The following SBF2 variants were observed in gnomAD, a reference collection of about 807,000 sequenced individuals.
SBF2 encodes myotubularin-related protein 13.
Under a neutral mutation model 225.2 loss-of-function variants are expected in SBF2, and 112 were observed. The ratio of observed to expected loss-of-function variants is 0.50; its 90% CI spans 0.43 to 0.58. The LOEUF is 0.58. Among genes scored for constraint, SBF2 ranks in the 20% least tolerant of loss-of-function variants. SBF2 has a pLI of 0.00. For synonymous variants in SBF2, 763 were observed against 773.3 expected (o/e 0.99, Z 0.22); for missense variants, 1,996 against 2,206.2 (o/e 0.90, Z 1.91).
chr11:10,020,149 CAA>C (rs1414523641), intron 6 of SBF2, among the ~76,000 whole-genome samples: 1 of 152,002 alleles, frequency 6.6e-6, no homozygotes, highest in East Asian at 1.9e-4. Flanking sequence ...GGCAGTTTCC[CAA>C]GATAGAAATA....
intron 6 of SBF2, among the ~76,000 whole-genome samples, chr11:10,009,195 C>A (rs1008724201): frequency 6.6e-6 from 1 of 152,182 alleles, no homozygotes; most frequent in African/African-American, 2.4e-5. Flanking sequence ...GGATATGTTC[C>A]TATTGTCATA....
At position 9,845,629 on chromosome 11, in the gene SBF2, C is replaced by G. The variant is rs1213045894; in HGVS notation, c.3046G>C (p.Ala1016Pro). The change falls in exon 24 of 40, where the codon GCT becomes CCT. Residue 1016 changes from alanine to proline, a missense_variant. Ala to Pro is a conservative substitution (Grantham distance 27). Transcript: ENST00000256190. The stretch of plus-strand genomic sequence containing the variant: ...ATTTGTGGGGTAGTTTGTCCAGCAG[C>G]AAAAGCAAAGGTACTGAAAATGGAC... ...PQSIFSTFAF[A>P]AGQTTPQIIL... The G allele has an allele frequency of 6.2e-7, 1 of 1,613,966 alleles. No homozygotes were observed. Among genetic ancestry groups the G allele is most frequent in the Non-Finnish European group, 8.5e-7 (1 of 1,179,842 alleles).
chr11:9,931,090 A>G (rs188680834), intron 16 of SBF2, among the ~76,000 whole-genome samples: 1 of 152,374 alleles, frequency 6.6e-6, no homozygotes, highest in Admixed American at 6.5e-5. Context: ...TAGGTAAACA[A>G]AGAAACCAGG....
intron 1 of SBF2, among the ~76,000 whole-genome samples, chr11:10,241,245 TG>T (rs1476518093): frequency 2.0e-4 from 31 of 151,828 alleles, no homozygotes; most frequent in Non-Finnish European, 3.5e-4. Flanking sequence ...CCCAGCTACT[TG>T]GGGGGCTGAG....
chr11:9,946,896 TAGAC>T (rs1373503261), intron 16 of SBF2, among the ~76,000 whole-genome samples: 1 of 152,236 alleles, frequency 6.6e-6, no homozygotes, highest in Non-Finnish European at 1.5e-5. Flanking sequence ...TCTATACACT[TAGAC>T]AGATATAACT....
rs543867694 is a variant in SBF2 at position 10,000,480 on chromosome 11, G to A, written c.861+434C>T. Among the ~76,000 whole-genome samples, 54 of 152,090 alleles carry A rather than the reference G, an allele frequency of 3.6e-4. No individual in the cohort carries two copies. The South Asian group carries it at 4.2e-3, about 12-fold the overall frequency. The stretch of plus-strand genomic sequence containing the variant: ...ATGGCATTAAGAATACAAAAATTTC[G>A]TGGAAGCTCATACCAAACTTCTGTT... On this transcript the variant is annotated intron_variant, in intron 8 of 39. Coordinates refer to ENST00000256190, the MANE Select transcript of SBF2 (RefSeq NM_030962.4).
At chr11:9,782,281 TGATAAGAAAAA>T (rs1185407891) in intron 38 of SBF2, among the ~76,000 whole-genome samples, 2 of 151,012 alleles carry the variant, frequency 1.3e-5, no homozygotes, top group African/African-American at 2.4e-5. Context: ...TCCCAGAAAT[TGATAAGAAAAA>T]GATAAAGTAG....
At chr11:10,245,198 C>T (rs1267995772) in intron 1 of SBF2, among the ~76,000 whole-genome samples, 1 of 142,006 alleles carries the variant, frequency 7.0e-6, no homozygotes, top group Admixed American at 7.0e-5. Flanking sequence ...AAAAGAAATA[C>T]AAATAACCAA....
At chr11:9,839,230 GA>G in intron 26 of SBF2, 1 of 458,090 alleles carries the variant, frequency 2.2e-6, no homozygotes, top group Non-Finnish European at 4.0e-6. Context: ...AGTCATGCTA[GA>G]AAAGAAGCAA....
intron 1 of SBF2, among the ~76,000 whole-genome samples, chr11:10,290,789 T>C (rs1262862460): frequency 6.6e-6 from 1 of 152,102 alleles, no homozygotes; most frequent in Non-Finnish European, 1.5e-5. Context: ...TAAATAAATA[T>C]AGATATAAAT....
At chr11:9,973,019 T>C (rs902866895) in intron 13 of SBF2, among the ~76,000 whole-genome samples, 25 of 152,240 alleles carry the variant, frequency 1.6e-4, no homozygotes, top group African/African-American at 4.8e-4. Flanking sequence ...AAAAGACTTA[T>C]GCCCCAGAAT....
intron 16 of SBF2, among the ~76,000 whole-genome samples, chr11:9,925,972 C>G (rs1864008275): frequency 6.6e-6 from 1 of 152,030 alleles, no homozygotes; most frequent in East Asian, 1.9e-4. Context: ...ATAACGTTTT[C>G]CATGAAATTA....
chr11:10,194,520 C>CT (rs1439406418), intron 1 of SBF2, among the ~76,000 whole-genome samples: 5 of 151,846 alleles, frequency 3.3e-5, no homozygotes, highest in African/African-American at 9.7e-5. Context: ...TCTATAAACA[C>CT]TTTTTTTTGA....
intron 24 of SBF2, among the ~76,000 whole-genome samples, chr11:9,844,304 T>C (rs889144103): frequency 6.6e-6 from 1 of 152,102 alleles, no homozygotes; most frequent in Non-Finnish European, 1.5e-5. Flanking sequence ...AACCTCAAAT[T>C]TTCTATAATC....
chr11:9,812,793 A>G, intron 29 of SBF2, 85 bp from the exon 30 acceptor site: 3 of 1,436,502 alleles, frequency 2.1e-6, no homozygotes, highest in Admixed American at 3.5e-5. Flanking sequence ...GCATAATGAC[A>G]AAGTTATTTG....
intron 16 of SBF2, among the ~76,000 whole-genome samples, chr11:9,925,800 C>A (rs1863988570): frequency 6.6e-6 from 1 of 152,132 alleles, no homozygotes; most frequent in Non-Finnish European, 1.5e-5. Context: ...TATCTCTTTT[C>A]TTCCCACAAT....
chr11:10,180,970 T>C (rs1302290600), intron 2 of SBF2, among the ~76,000 whole-genome samples: 2 of 152,110 alleles, frequency 1.3e-5, no homozygotes, highest in South Asian at 2.1e-4. Flanking sequence ...TTAGAGGTTT[T>C]TCTGGTAAAT....
Position 9,829,394 on chromosome 11 carries a change from C to T in SBF2, c.3755G>A (p.Ser1252Asn). The T allele has an allele frequency of 6.2e-7, 1 of 1,614,108 alleles. No homozygotes were observed. The highest frequency in any genetic ancestry group is 1.6e-4 in the Middle Eastern group (1 of 6,062). The change falls in exon 28 of 40, where the codon AGC becomes AAC. Residue 1252 changes from serine to asparagine, a missense_variant. Ser to Asn is a conservative substitution (Grantham distance 46). Transcript: ENST00000256190. ...AAAGGCTGGCCTGACAGTAAGAGTG[C>T]TGTTGCCTCTGAGTTTCTGATGGAC... ...VSVHQKLRGN[S>N]TLTVRPAFAL... is the part of the protein sequence containing the mutation.
chr11:10,213,461 C>T (rs1958013837), intron 1 of SBF2, among the ~76,000 whole-genome samples: 2 of 152,152 alleles, frequency 1.3e-5, no homozygotes, highest in African/African-American at 4.8e-5. Flanking sequence ...AGATTCAGCC[C>T]AAACTAAAAT....
Sources: gnomAD v4.1 joint callset for allele counts (sites outside exome capture counted in the v4.1 genomes callset) on GRCh38, gnomAD v4.1.1 for gene constraint, MANE v1.5 for transcripts, NCBI Gene and HGNC (gene_info 2026-07-23, HGNC 2026-07-21) for gene names.